The following PLEKHM1 variants were observed in gnomAD, a reference collection of about 807,000 sequenced individuals.
PLEKHM1 encodes pleckstrin homology domain-containing family M member 1.
In PLEKHM1, 28 loss-of-function variants were observed where a neutral mutation model predicts 94.3. The observed-to-expected ratio is 0.30, with a 90% CI of 0.22 to 0.41. The LOEUF (loss-of-function observed/expected upper bound fraction) is 0.41. PLEKHM1 is among the 10% of genes least tolerant of loss of function. The pLI, the probability that PLEKHM1 is intolerant of heterozygous loss-of-function variation, is 1.00. For missense variants in PLEKHM1, 907 were observed against 1,358.6 expected (o/e 0.67, Z 5.22); for synonymous variants, 424 against 581.2 (o/e 0.73, Z 3.89).
At chr17:45,470,788 A>G (rs2051484041) in intron 4 of PLEKHM1, among the ~76,000 whole-genome samples, 1 of 150,628 alleles carries the variant, frequency 6.6e-6, no homozygotes. Context: ...ACTCCCGATT[A>G]GCTAGGACTA....
Position 45,439,611 on chromosome 17 carries a change from T to A in PLEKHM1, c.2925A>T (p.Gly975=). The A allele has an allele frequency of 1.2e-6, 2 of 1,614,050 alleles. No homozygotes were observed. Among genetic ancestry groups the A allele is most frequent in the South Asian group, 2.2e-5 (2 of 91,074 alleles). ...CAAATTCAATCAGGGCCTTGAGGAA[T>A]CCTTCATACACCCCGTCTGCGATCT... ...LQQIADGVYE[G]FLKALIEFAS... Residue 975 remains glycine (G), a synonymous_variant, in exon 11 of 12, where the codon GGA becomes GGT. Coordinates refer to ENST00000430334, the MANE Select transcript of PLEKHM1 (RefSeq NM_014798.3).
In PLEKHM1 at chr17:45,437,939, C is replaced by A; in HGVS notation, c.3090G>T (p.Gln1030His). The change falls in exon 12 of 12, where the codon CAG becomes CAT. Residue 1030 changes from glutamine to histidine, a missense_variant. By Grantham distance (24) the Gln-to-His change is conservative. Coordinates refer to ENST00000430334, the MANE Select transcript of PLEKHM1 (RefSeq NM_014798.3). This position sits in a 1 kb window ranked among gnomAD's most constrained non-coding sequence, Gnocchi z 4.0. ...CCTTCTTCACCACAGCCTGGCAGCT[C>A]TGGTGGAAGACGGTCTTGCACTCGG... ...RCAECKTVFH[Q>H]SCQAVVKKGC... 1.2e-6 allele frequency: 2 copies of A among 1,613,692 alleles called. No individual in the cohort carries two copies. The highest frequency in any genetic ancestry group is 1.7e-6 in the Non-Finnish European group (2 of 1,179,998).
At chr17:45,488,043 G>A (rs1444268933) in intron 1 of PLEKHM1, among the ~76,000 whole-genome samples, 1 of 152,242 alleles carries the variant, frequency 6.6e-6, no homozygotes, top group Non-Finnish European at 1.5e-5. Context: ...AGGAAAGCTG[G>A]ATTTCTGTGA....
At chr17:45,456,778 T>C (rs909551627) in intron 6 of PLEKHM1, among the ~76,000 whole-genome samples, 2 of 152,200 alleles carry the variant, frequency 1.3e-5, no homozygotes, top group African/African-American at 4.8e-5. Context: ...ACTTTTTTTG[T>C]TTGTTTTGAA....
At chr17:45,471,687 C>T (rs1371407383) in intron 4 of PLEKHM1, among the ~76,000 whole-genome samples, 5 of 152,210 alleles carry the variant, frequency 3.3e-5, no homozygotes, top group Non-Finnish European at 1.5e-5. Flanking sequence ...ACCCAGGAGG[C>T]GGAGGTTGCA....
intron 5 of PLEKHM1, 37 bp from the exon 6 acceptor site, chr17:45,458,476 G>C (rs1202388945): frequency 6.3e-7 from 1 of 1,588,798 alleles, no homozygotes; most frequent in African/African-American, 1.3e-5. Flanking sequence ...TTGTTTTAAA[G>C]TTTTTTTGTT....
chr17:45,473,170 C>T (rs565818770), intron 4 of PLEKHM1, among the ~76,000 whole-genome samples: 92 of 152,130 alleles, frequency 6.0e-4, no homozygotes, highest in Admixed American at 1.1e-3. Context: ...GAGATAGCTA[C>T]GCAGAACTAA....
chr17:45,473,291 GA>G (rs201154042), intron 4 of PLEKHM1, among the ~76,000 whole-genome samples: 2 of 151,140 alleles, frequency 1.3e-5, no homozygotes, highest in African/African-American at 4.9e-5. Flanking sequence ...ATATGCAATA[GA>G]AAAAAAAAGA....
intron 1 of PLEKHM1, among the ~76,000 whole-genome samples, chr17:45,486,039 A>AC (rs1425517346): frequency 6.0e-5 from 9 of 149,506 alleles, no homozygotes; most frequent in African/African-American, 2.2e-4. Flanking sequence ...ACACGGTGAA[A>AC]CCCCGTCTCT....
intron 8 of PLEKHM1, among the ~76,000 whole-genome samples, chr17:45,447,558 G>GCC (rs1292394028): frequency 1.3e-5 from 2 of 152,106 alleles, no homozygotes; most frequent in African/African-American, 4.8e-5. Context: ...ACAGAAAGAA[G>GCC]CCCCACTCCT....
rs781124053 is a variant in PLEKHM1 at position 45,436,062 on chromosome 17, G to C, written c.*1796C>G. On this transcript the variant is annotated 3_prime_UTR_variant, in exon 12 of 12. Coordinates refer to ENST00000430334, the MANE Select transcript of PLEKHM1 (RefSeq NM_014798.3). ...AAAATAGTGTGGGCACTACCTTTCT[G>C]AGGGAGGGGAGGCGGGAAGAGTCAA... The C allele has an allele frequency of 2.2e-6, 1 of 456,656 alleles. No homozygotes were observed. 28.3% of individuals were successfully genotyped at this position (456,656 alleles called of 1,614,324 possible).
chr17:45,456,739 AG>A (rs1366433645), intron 6 of PLEKHM1, among the ~76,000 whole-genome samples: 7 of 152,256 alleles, frequency 4.6e-5, no homozygotes, highest in Admixed American at 2.6e-4. Context: ...ACAGAAAATG[AG>A]GAGAGAAAGA....
chr17:45,448,217 G>A (rs2050670815), intron 8 of PLEKHM1: 1 of 152,208 alleles, frequency 6.6e-6, no homozygotes, highest in Non-Finnish European at 1.5e-5. Context: ...TGATCAAAGG[G>A]TTCTTTGCAT....
chr17:45,436,863 G>GCTGC lies in PLEKHM1; in HGVS notation c.*991_*994dup, dbSNP rs1267516514. On this transcript the variant is annotated 3_prime_UTR_variant, in exon 12 of 12. Coordinates refer to ENST00000430334, the MANE Select transcript of PLEKHM1 (RefSeq NM_014798.3). ...TCACTTCTCCACAGTGCAGGGCGTG[G>GCTGC]CTGCCTGCCCTCTCTGGGGTCCTGC... 4.4e-6 allele frequency: 2 copies of GCTGC among 453,556 alleles called. No homozygotes were observed. Among genetic ancestry groups the GCTGC allele is most frequent in the Non-Finnish European group, 8.8e-6 (2 of 226,360 alleles). 28.1% of individuals were successfully genotyped at this position (453,556 alleles called of 1,614,324 possible).
chr17:45,447,745 G>C (rs1167892746), intron 8 of PLEKHM1, among the ~76,000 whole-genome samples: 1 of 152,120 alleles, frequency 6.6e-6, no homozygotes, highest in African/African-American at 2.4e-5. Context: ...TTGAGAGGGA[G>C]AGCGAGCTGA....
chr17:45,435,644 A>C (rs538063894), downstream of PLEKHM1, among the ~76,000 whole-genome samples: 1 of 152,122 alleles, frequency 6.6e-6, no homozygotes, highest in East Asian at 1.9e-4. Flanking sequence ...GTGTGGGTAC[A>C]CCTCCCCAGA....
chr17:45,490,617 C>T (rs1004743313), intron 1 of PLEKHM1, 35 bp downstream of exon 1: 9 of 431,860 alleles, frequency 2.1e-5, no homozygotes, highest in African/African-American at 1.2e-4. Context: ...CCCACCACTC[C>T]GCCGCCCTCC....
chr17:45,453,607 T>C lies in PLEKHM1; in HGVS notation c.2245A>G (p.Ile749Val). Residue 749 changes from isoleucine to valine, a missense_variant, in exon 7 of 12, where the codon ATC becomes GTC. By Grantham distance (29) the Ile-to-Val change is conservative. Around this residue, in one of 3 missense-constraint regions of PLEKHM1, gnomAD observed 254 missense variants for 451.1 expected, o/e 0.56. Transcript: ENST00000430334. This position sits in a 1 kb window ranked among gnomAD's most constrained non-coding sequence, Gnocchi z 4.1. Reference protein sequence around the residue: ...SLGGPSFFKIITAKAVLKLQA... With the variant: ...SLGGPSFFKIVTAKAVLKLQA... Reference sequence around the variant, plus strand: ...AGCTTCAGGACAGCCTTGGCCGTGATGATTTTGAAGAAGGATGGGCCCCCA... The same window carrying C: ...AGCTTCAGGACAGCCTTGGCCGTGACGATTTTGAAGAAGGATGGGCCCCCA... 6.2e-7 allele frequency: 1 copy of C among 1,605,720 alleles called. No individual in the cohort carries two copies. The highest frequency in any genetic ancestry group is 1.7e-5 in the Admixed American group (1 of 58,452).
chr17:45,473,315 G>A (rs1431602486), intron 4 of PLEKHM1, among the ~76,000 whole-genome samples: 1 of 152,130 alleles, frequency 6.6e-6, no homozygotes, highest in African/African-American at 2.4e-5. Flanking sequence ...GAGGCTGGGC[G>A]CAGTGGCTCA....
Sources: gnomAD v4.1 joint callset for allele counts (sites outside exome capture counted in the v4.1 genomes callset) on GRCh38, gnomAD v4.1.1 for gene constraint, gnomAD v4.1.1 regional missense constraint, Gnocchi (gnomAD v3.1) non-coding constraint, MANE v1.5 for transcripts, NCBI Gene and HGNC (gene_info 2026-07-23, HGNC 2026-07-21) for gene names.